The following ALKBH1 variants were observed in gnomAD, a reference collection of about 807,000 sequenced individuals.
ALKBH1 encodes alkB homolog 1, histone H2A dioxygenase, also known as nucleic acid dioxygenase ALKBH1.
Under a neutral mutation model 36.6 loss-of-function variants are expected in ALKBH1, and 31 were observed. That is an observed-to-expected ratio of 0.85 (90% CI 0.64 to 1.14). The LOEUF is 1.14. Among genes scored for constraint, ALKBH1 ranks in the 50% most tolerant of loss-of-function variants. The pLI is 0.00. For missense variants in ALKBH1, 490 were observed against 497.3 expected (o/e 0.99, Z 0.14); for synonymous variants, 183 against 186.6 (o/e 0.98, Z 0.16).
intron 1 of ALKBH1, 73 bp from the exon 2 acceptor site, chr14:77,704,550 A>C (rs910798990): frequency 3.3e-6 from 4 of 1,196,718 alleles, no homozygotes; most frequent in Middle Eastern, 3.8e-4. Context: ...TCAAACCTCC[A>C]AACACATTTC....
Position 77,707,993 on chromosome 14 carries a change from C to A in ALKBH1, c.12G>T (p.Met4Ile), listed in dbSNP as rs1595062664. MGKMAAAVGSVATL... is the reference protein window; with the variant it reads MGKIAAAVGSVATL... ...TCGCCACAGAGCCCACGGCCGCTGC[C>A]ATCTTCCCCATCTCGCGGCCTATAC... is the stretch of plus-strand genomic sequence containing the variant. The change falls in exon 1 of 6, where the codon ATG (methionine) becomes ATT (isoleucine). Residue 4 changes from methionine to isoleucine, a missense_variant. Transcript: ENST00000216489. 4.3e-6 allele frequency: 7 copies of A among 1,609,260 alleles called. No individual in the cohort carries two copies. The East Asian group carries it at 1.6e-4, about 36-fold the overall frequency.
chr14:77,693,752 C>G (rs186164095), intron 3 of ALKBH1, among the ~76,000 whole-genome samples: 1 of 152,258 alleles, frequency 6.6e-6, no homozygotes, highest in East Asian at 1.9e-4. Context: ...CTTTGGGAAT[C>G]TGAGGCAGGG....
intron 3 of ALKBH1, among the ~76,000 whole-genome samples, chr14:77,685,656 G>A (rs1478293987): frequency 6.6e-6 from 1 of 151,730 alleles, no homozygotes; most frequent in East Asian, 1.9e-4. Flanking sequence ...GTGCACGCCT[G>A]TAGTCCCAGC....
intron 2 of ALKBH1, 75 bp from the exon 3 acceptor site, chr14:77,694,975 T>G: frequency 8.1e-7 from 1 of 1,240,550 alleles, no homozygotes. Flanking sequence ...TTTGACATCT[T>G]TATACTCACT....
At position 77,673,814 on chromosome 14, in the gene ALKBH1, A is replaced by G; in HGVS notation, c.1168T>C (p.Ter390ArgextTer64). The part of the protein sequence containing the change: ...VKRARINPDS[*>R] ...AAAAAGGATGGGATCTCCAAGTCTC[A>G]GCTGTCAGGGTTTATCCTGGCCCGT... Residue 390 changes from the stop codon to arginine (R), a stop_lost, in exon 6 of 6, where the codon TGA becomes CGA. Transcript: ENST00000216489. 1 of 1,609,002 alleles carries G rather than the reference A, an allele frequency of 6.2e-7. No homozygotes were observed. Among genetic ancestry groups the G allele is most frequent in the Non-Finnish European group, 8.5e-7 (1 of 1,176,514 alleles).
chr14:77,678,014 T>C (rs2080215051), intron 4 of ALKBH1, among the ~76,000 whole-genome samples: 1 of 150,672 alleles, frequency 6.6e-6, no homozygotes, highest in South Asian at 2.1e-4. Context: ...TTTTACTCCC[T>C]ATTTTTCTTA....
chr14:77,703,142 T>C (rs1021041381), intron 2 of ALKBH1, among the ~76,000 whole-genome samples: 2 of 151,820 alleles, frequency 1.3e-5, no homozygotes, highest in Non-Finnish European at 2.9e-5. Context: ...TGAGACTGTC[T>C]GGGAAAAAAA....
intron 2 of ALKBH1, among the ~76,000 whole-genome samples, chr14:77,703,127 C>CA (rs2080368522): frequency 6.6e-6 from 1 of 151,922 alleles, no homozygotes; most frequent in Non-Finnish European, 1.5e-5. Context: ...GCCTGGGCGA[C>CA]AGAGTGAGAC....
chr14:77,703,558 G>A (rs1172238208), intron 2 of ALKBH1, among the ~76,000 whole-genome samples: 1 of 147,198 alleles, frequency 6.8e-6, no homozygotes, highest in Non-Finnish European at 1.5e-5. Flanking sequence ...GCCTCCCAAA[G>A]TGTTGGGATT....
chr14:77,675,979 C>T (rs1025812953), intron 4 of ALKBH1, 130 bp from the exon 5 acceptor site: 3 of 751,818 alleles, frequency 4.0e-6, no homozygotes, highest in Admixed American at 2.9e-5. Flanking sequence ...ACAGCATTAT[C>T]TATCCATTCT....
At chr14:77,683,273 C>T in intron 3 of ALKBH1, 1 of 767,950 alleles carries the variant, frequency 1.3e-6, no homozygotes, top group Non-Finnish European at 2.4e-6. Flanking sequence ...ACAAAGTGTG[C>T]TTCTCTGGGT....
chr14:77,706,150 TTTATC>T lies in ALKBH1; in HGVS notation c.183+1667_183+1671del, dbSNP rs570241882. On this transcript the variant is annotated intron_variant, in intron 1 of 5. Transcript: ENST00000216489. ...CATTCTCTTTGAAAGAGAATGATCTTTTATCTTATCAACTTCTCCAAGTGTGGAGA... is the reference window on the plus strand; with the variant it reads ...CATTCTCTTTGAAAGAGAATGATCTTTTATCAACTTCTCCAAGTGTGGAGA... Among the ~76,000 whole-genome samples the T allele has an allele frequency of 3.9e-5, 6 of 152,090 alleles. No homozygotes were observed. In the East Asian group the frequency reaches 7.7e-4, roughly 20 times the overall value.
rs1411998711 is a variant in ALKBH1, at chr14:77,688,263, GAC to G, written c.455+6473_455+6474del. On this transcript the variant is annotated intron_variant, in intron 3 of 5. Transcript: ENST00000216489. ...ACTAAATTTTTTTTTTTTTTTTTGA[GAC>G]AGAGTCTCAATTGCTCTGCTTTTGC... Among the ~76,000 whole-genome samples, 3 of 136,862 alleles carry G rather than the reference GAC, an allele frequency of 2.2e-5. No homozygotes were observed. The East Asian group carries it at 6.4e-4, about 29-fold the overall frequency. The allele number at this position is 136,862 out of a possible 152,430, so 89.8% of individuals were successfully genotyped here. A position where few individuals can be genotyped will look rare whatever the true frequency, so the allele number is the denominator to read the frequency against.
rs73305446 is a variant in ALKBH1 at position 77,702,576 on chromosome 14, T to C, written c.292+1793A>G. Among the ~76,000 whole-genome samples, 1,099 of 152,282 alleles carry C rather than the reference T, an allele frequency of 7.2e-3. 8 individuals are homozygous for C. Among genetic ancestry groups the C allele is most frequent in the African/African-American group, 0.025 (1,053 of 41,558 alleles). ...CCCATATTTGAAATCACAAGTGCAA[T>C]GTTAACTTTTACAATGGCCCCAGGA... On this transcript the variant is annotated intron_variant, in intron 2 of 5. Coordinates refer to ENST00000216489, the MANE Select transcript of ALKBH1 (RefSeq NM_006020.3).
chr14:77,703,879 T>C (rs1341092467), intron 2 of ALKBH1, among the ~76,000 whole-genome samples: 2 of 152,196 alleles, frequency 1.3e-5, no homozygotes, highest in Non-Finnish European at 2.9e-5. Context: ...ATTACAGGCA[T>C]GAGCCACCAC....
chr14:77,694,502 T>C (rs2080316101), intron 3 of ALKBH1, among the ~76,000 whole-genome samples: 1 of 152,188 alleles, frequency 6.6e-6, no homozygotes, highest in Non-Finnish European at 1.5e-5. Flanking sequence ...AACTCAATTA[T>C]CTAAGCTATG....
intron 2 of ALKBH1, among the ~76,000 whole-genome samples, chr14:77,697,638 G>GT: frequency 6.7e-6 from 1 of 148,622 alleles, no homozygotes; most frequent in East Asian, 2.0e-4. Context: ...TCATGTGCAG[G>GT]TTTTTTGGGA....
At chr14:77,677,638 C>T (rs568694044) in intron 4 of ALKBH1, among the ~76,000 whole-genome samples, 10 of 152,302 alleles carry the variant, frequency 6.6e-5, no homozygotes, top group African/African-American at 2.4e-4. Context: ...TGGCCAGAAG[C>T]GACCTTTAAC....
intron 3 of ALKBH1, among the ~76,000 whole-genome samples, chr14:77,690,912 C>T (rs773611254): frequency 2.0e-5 from 3 of 152,140 alleles, no homozygotes; most frequent in Admixed American, 6.5e-5. Flanking sequence ...AGTGATTCTC[C>T]GGCCTCTGCC....
Sources: allele counts gnomAD v4.1 joint callset (sites outside exome capture counted in the v4.1 genomes callset), GRCh38; gene constraint gnomAD v4.1.1; transcripts MANE v1.5; gene names NCBI Gene and HGNC (gene_info 2026-07-23, HGNC 2026-07-21).